Variants in SERPINA10 observed in about 807,000 individuals in gnomAD.
The protein encoded by SERPINA10 is protein Z-dependent protease inhibitor.
Under a neutral mutation model 28.0 loss-of-function variants are expected in SERPINA10, and 24 were observed. The observed-to-expected ratio is 0.86, with a 90% CI of 0.62 to 1.20. The LOEUF is 1.20. SERPINA10 is among the 50% of genes most tolerant of loss of function. SERPINA10 has a pLI of 0.00. For synonymous variants in SERPINA10, 207 were observed against 203.9 expected (o/e 1.02, Z -0.13); for missense variants, 521 against 537.7 (o/e 0.97, Z 0.31).
rs762263344 is a variant in SERPINA10 at position 94,288,579 on chromosome 14, A to G, written c.719-20T>C. 6.2e-7 allele frequency: 1 copy of G among 1,614,088 alleles called. No individual in the cohort carries two copies. Among genetic ancestry groups the G allele is most frequent in the Non-Finnish European group, 8.5e-7 (1 of 1,180,006 alleles). Reference sequence around the variant, plus strand: ...ATTTCCCTGAACAAGTAAGAGAAGAACTCATTGCAGAAATTCCCTCTTTGA... The same window carrying G: ...ATTTCCCTGAACAAGTAAGAGAAGAGCTCATTGCAGAAATTCCCTCTTTGA... On this transcript the variant is annotated intron_variant, in intron 2 of 4. Coordinates refer to ENST00000261994, the MANE Select transcript of SERPINA10 (RefSeq NM_001100607.3).
At chr14:94,290,966 T>TG (rs965800511) in intron 1 of SERPINA10, among the ~76,000 whole-genome samples, 1 of 151,812 alleles carries the variant, frequency 6.6e-6, no homozygotes, top group Admixed American at 6.6e-5. Flanking sequence ...GCACAGAAGG[T>TG]GGGGGTCCAA....
At chr14:94,292,838 C>A in intron 1 of SERPINA10, 1 of 608,260 alleles carries the variant, frequency 1.6e-6, no homozygotes, top group East Asian at 2.8e-5. Flanking sequence ...ACCAGCTCAC[C>A]TGCCACTTCT....
rs1461967285 is a variant in SERPINA10 at position 94,282,058 on chromosome 14, C to T, written c.*1907G>A. ...CCCTCTAGGGCCTAGAATTGCCTGT[C>T]CCTTCATAAGTGTCAATTAGTACTC... is the stretch of plus-strand genomic sequence containing the variant. On this transcript the variant is annotated 3_prime_UTR_variant, in exon 5 of 5. Transcript: ENST00000261994. The T allele has an allele frequency of 6.6e-6, 1 of 152,334 alleles. No homozygotes were observed. The highest frequency in any genetic ancestry group is 1.5e-5 in the Non-Finnish European group (1 of 67,988). 9.4% of individuals were successfully genotyped at this position (152,334 alleles called of 1,614,324 possible). A position where few individuals can be genotyped will look rare whatever the true frequency, so the allele number is the denominator to read the frequency against.
intron 4 of SERPINA10, among the ~76,000 whole-genome samples, chr14:94,285,208 G>A (rs1894989900): frequency 6.6e-6 from 1 of 152,150 alleles, no homozygotes; most frequent in African/African-American, 2.4e-5. Context: ...TTTTTATAGT[G>A]ATGACTGGAG....
At chr14:94,288,796 G>A (rs1371672233) in intron 2 of SERPINA10, among the ~76,000 whole-genome samples, 1 of 152,096 alleles carries the variant, frequency 6.6e-6, no homozygotes, top group Non-Finnish European at 1.5e-5. Context: ...AGCTCCACTC[G>A]CAGGCCCTAT....
chr14:94,291,282 T>A (rs1376964386), intron 1 of SERPINA10, among the ~76,000 whole-genome samples: 1 of 152,184 alleles, frequency 6.6e-6, no homozygotes, highest in Non-Finnish European at 1.5e-5. Context: ...CCGCAATTCA[T>A]ACAACCCACT....
intron 3 of SERPINA10, 147 bp downstream of exon 3, chr14:94,288,139 G>A (rs1168665939): frequency 7.3e-6 from 8 of 1,092,626 alleles, no homozygotes; most frequent in East Asian, 7.3e-5. Context: ...GGATAGAGTG[G>A]AAAAAAAGAC....
At chr14:94,291,753 G>A (rs1895182739) in intron 1 of SERPINA10, among the ~76,000 whole-genome samples, 2 of 152,180 alleles carry the variant, frequency 1.3e-5, no homozygotes, top group Admixed American at 6.5e-5. Context: ...GGTCACCTGC[G>A]GCAAAATGTA....
chr14:94,286,049 C>T, intron 4 of SERPINA10, 59 bp downstream of exon 4: 1 of 1,598,320 alleles, frequency 6.3e-7, no homozygotes, highest in Non-Finnish European at 8.6e-7. Context: ...TTTGTAAAAG[C>T]ATTTGTTTTG....
chr14:94,288,585 T>G (rs1010025297), intron 2 of SERPINA10, 26 bp from the exon 3 acceptor site: 6 of 1,614,034 alleles, frequency 3.7e-6, no homozygotes, highest in Admixed American at 1.7e-5. Context: ...AAGAACTCAT[T>G]GCAGAAATTC....
At chr14:94,291,111 G>A (rs980906607) in intron 1 of SERPINA10, among the ~76,000 whole-genome samples, 21 of 152,336 alleles carry the variant, frequency 1.4e-4, no homozygotes, top group African/African-American at 5.1e-4. Context: ...GGGGATTGGA[G>A]TGCCTGCATG....
rs904117574 is a variant in SERPINA10, at chr14:94,282,920, A to G, written c.*1045T>C. The G allele has an allele frequency of 1.3e-5, 2 of 152,182 alleles. No individual in the cohort carries two copies. Among genetic ancestry groups the G allele is most frequent in the African/African-American group, 4.8e-5 (2 of 41,422 alleles). The allele number at this position is 152,182 out of a possible 1,614,324, so 9.4% of individuals were successfully genotyped here. On this transcript the variant is annotated 3_prime_UTR_variant, in exon 5 of 5. Transcript: ENST00000261994. The stretch of plus-strand genomic sequence containing the variant: ...CTGGGTCCCTCTTTCTTTCCTTTGT[A>G]AAATGAAGGTATTGAACTAGATGAT...
rs1304075624 is a variant in SERPINA10, at chr14:94,283,688, G to C, written c.*277C>G. On this transcript the variant is annotated 3_prime_UTR_variant, in exon 5 of 5. Transcript: ENST00000261994. ...GTTATTATTGTTAATCTCTTACTGT[G>C]CCTAATTTATAAATTAAACTTTATC... The C allele has an allele frequency of 2.0e-6, 1 of 488,606 alleles. No individual in the cohort carries two copies. The allele number at this position is 488,606 out of a possible 1,614,324, so 30.3% of individuals were successfully genotyped here. A position where few individuals can be genotyped will look rare whatever the true frequency, so the allele number is the denominator to read the frequency against.
Position 94,284,031 on chromosome 14 carries a change from C to A in SERPINA10, c.1269G>T (p.Met423Ile). Residue 423 changes from methionine (M) to isoleucine (I), a missense_variant, in exon 5 of 5, where the codon ATG becomes ATT. Coordinates refer to ENST00000261994, the MANE Select transcript of SERPINA10 (RefSeq NM_001100607.3). ...VIKVDRPFHF[M>I]IYEETSGMLL... ...GCATTCCAGAGGTTTCTTCATAGAT[C>A]ATGAAATGAAATGGCCGGTCCACTT... is the stretch of plus-strand genomic sequence containing the variant. The A allele has an allele frequency of 1.2e-6, 2 of 1,614,182 alleles. No individual in the cohort carries two copies. Among genetic ancestry groups the A allele is most frequent in the East Asian group, 2.2e-5 (1 of 44,884 alleles).
At position 94,281,004 on chromosome 14, in the gene SERPINA10, A is replaced by G. The variant is rs938824684; in HGVS notation, c.*2961T>C. 2.0e-5 allele frequency: 3 copies of G among 152,234 alleles called. No individual in the cohort carries two copies. Among genetic ancestry groups the G allele is most frequent in the Non-Finnish European group, 4.4e-5 (3 of 68,038 alleles). 9.4% of individuals were successfully genotyped at this position (152,234 alleles called of 1,614,324 possible). A position where few individuals can be genotyped will look rare whatever the true frequency, so the allele number is the denominator to read the frequency against. ...TGAGAAATCTTTGAATTGAAATGAA[A>G]CAGGCTCTTCAGCTGGAGTGGAAGT... On this transcript the variant is annotated 3_prime_UTR_variant, in exon 5 of 5. Coordinates refer to ENST00000261994, the MANE Select transcript of SERPINA10 (RefSeq NM_001100607.3).
Position 94,286,160 on chromosome 14 carries a change from A to G in SERPINA10, c.1091T>C (p.Phe364Ser). 1.2e-6 allele frequency: 2 copies of G among 1,614,150 alleles called. No homozygotes were observed. Among genetic ancestry groups the G allele is most frequent in the Non-Finnish European group, 1.7e-6 (2 of 1,180,026 alleles). ...QMGIRRIFSPFADLSELSATG... is the reference protein window; with the variant it reads ...QMGIRRIFSPSADLSELSATG... ...AGCTGAGAGTTCACTAAGGTCAGCAAAGGGTGAGAAGATTCTTCTGATTCC... is the reference window on the plus strand; with the variant it reads ...AGCTGAGAGTTCACTAAGGTCAGCAGAGGGTGAGAAGATTCTTCTGATTCC... The change falls in exon 4 of 5, where the codon TTT becomes TCT. Residue 364 changes from phenylalanine to serine, a missense_variant. By Grantham distance (155) the Phe-to-Ser change is radical. Coordinates refer to ENST00000261994, the MANE Select transcript of SERPINA10 (RefSeq NM_001100607.3).
In SERPINA10 at chr14:94,290,177, C is replaced by T; in HGVS notation, c.417G>A (p.Gly139=). 6.2e-7 allele frequency: 1 copy of T among 1,613,904 alleles called. No homozygotes were observed. Among genetic ancestry groups the T allele is most frequent in the East Asian group, 2.2e-5 (1 of 44,872 alleles). Residue 139 remains glycine (G), a synonymous_variant, in exon 2 of 5, where the codon GGG becomes GGA. Transcript: ENST00000261994. ...HLQALKPTKP[G]LLPSLFKGLR... is the part of the protein sequence containing the mutation. ...GTCCCTTAAAGAGGGAAGGCAGGAG[C>T]CCGGGCTTGGTGGGCTTCAGGGCCT...
In SERPINA10 at chr14:94,286,377, A is replaced by G. The variant is rs970158779; in HGVS notation, c.993-119T>C. 2.3e-5 allele frequency: 25 copies of G among 1,076,446 alleles called. No individual in the cohort carries two copies. The East Asian group carries it at 3.4e-4, about 15-fold the overall frequency. 66.7% of individuals were successfully genotyped at this position (1,076,446 alleles called of 1,614,324 possible). ...CCATTAATGAGTCTTTCAGTTGACTATGTAGTTCATGCCATTCTTTTACAG... is the reference window on the plus strand; with the variant it reads ...CCATTAATGAGTCTTTCAGTTGACTGTGTAGTTCATGCCATTCTTTTACAG... On this transcript the variant is annotated intron_variant, in intron 3 of 4. Coordinates refer to ENST00000261994, the MANE Select transcript of SERPINA10 (RefSeq NM_001100607.3).
chr14:94,286,093 A>G lies in SERPINA10; in HGVS notation c.1143+15T>C. 6.2e-7 allele frequency: 1 copy of G among 1,614,112 alleles called. No individual in the cohort carries two copies. The highest frequency in any genetic ancestry group is 1.6e-4 in the Middle Eastern group (1 of 6,062). Reference sequence around the variant, plus strand: ...TCATGCTGAGGTTGGGCTCTGATGAAAGATCCTGACTTACCCTGGATACTT... The same window carrying G: ...TCATGCTGAGGTTGGGCTCTGATGAGAGATCCTGACTTACCCTGGATACTT... On this transcript the variant is annotated intron_variant, in intron 4 of 4. Transcript: ENST00000261994.
Sources: gnomAD v4.1 joint callset for allele counts (sites outside exome capture counted in the v4.1 genomes callset) on GRCh38, gnomAD v4.1.1 for gene constraint, MANE v1.5 for transcripts, NCBI Gene and HGNC (gene_info 2026-07-23, HGNC 2026-07-21) for gene names.